The following CTNND2 variants were observed in gnomAD, a reference collection of about 807,000 sequenced individuals.
CTNND2 encodes catenin delta 2.
Under a neutral mutation model 144.4 loss-of-function variants are expected in CTNND2, and 22 were observed. The observed-to-expected ratio is 0.15, with a 90% confidence interval of 0.11 to 0.22. The LOEUF (loss-of-function observed/expected upper bound fraction) is 0.22. Ranked by LOEUF, CTNND2 falls within the 10% of genes least tolerant of loss-of-function variation. The pLI, the probability that CTNND2 is intolerant of heterozygous loss-of-function variation, is 1.00. For synonymous variants in CTNND2, 751 were observed against 695.6 expected (o/e 1.08, Z -1.25); for missense variants, 1,353 against 1,618.8 (o/e 0.84, Z 2.82).
chr5:11,473,778 GATAGA>G (rs1767461627), intron 3 of CTNND2, among the ~76,000 whole-genome samples: 1 of 152,212 alleles, frequency 6.6e-6, no homozygotes, highest in Non-Finnish European at 1.5e-5. Flanking sequence ...GAGATACTAG[GATAGA>G]ATCTGAGACC....
chr5:11,016,223 C>T (rs1293067299), intron 18 of CTNND2, among the ~76,000 whole-genome samples: 3 of 152,142 alleles, frequency 2.0e-5, no homozygotes, highest in African/African-American at 7.2e-5. Context: ...TGAGGGATGA[C>T]TCTCATTGAT....
At chr5:11,418,690 G>C (rs1359523836) in intron 3 of CTNND2, among the ~76,000 whole-genome samples, 4 of 152,158 alleles carry the variant, frequency 2.6e-5, no homozygotes, top group Non-Finnish European at 5.9e-5. Context: ...AAGGAGCAGG[G>C]TCGCACCTGG....
chr5:11,642,759 A>G (rs1200072552), intron 2 of CTNND2, among the ~76,000 whole-genome samples: 1 of 152,232 alleles, frequency 6.6e-6, no homozygotes, highest in African/African-American at 2.4e-5. Flanking sequence ...TGCTTTTCTT[A>G]TCATTATGTG....
chr5:11,830,326 T>A (rs954472383), intron 1 of CTNND2, among the ~76,000 whole-genome samples: 5 of 152,186 alleles, frequency 3.3e-5, no homozygotes, highest in African/African-American at 1.2e-4. Flanking sequence ...TATGGTTTGA[T>A]TGTGTCACCA....
intron 8 of CTNND2, among the ~76,000 whole-genome samples, chr5:11,347,385 T>A (rs553623167): frequency 2.3e-4 from 35 of 152,232 alleles, no homozygotes; most frequent in Non-Finnish European, 4.0e-4. Context: ...GTGTCTAAAT[T>A]GTTTTGAGAA....
chr5:10,982,892 A>C lies in CTNND2; in HGVS notation c.3344-1046T>G, dbSNP rs532063044. Among the ~76,000 whole-genome samples, 5 of 152,346 alleles carry C rather than the reference A, an allele frequency of 3.3e-5. No individual in the cohort carries two copies. The South Asian group carries it at 1.0e-3, about 32-fold the overall frequency. ...TGATTTATGTTAAGTGAAACAAGCC[A>C]GGCACAGAAAGACAAATATGGTATG... On this transcript the variant is annotated intron_variant, in intron 20 of 21. Transcript: ENST00000304623.
intron 1 of CTNND2, among the ~76,000 whole-genome samples, chr5:11,798,252 A>C (rs2126881756): frequency 6.8e-6 from 1 of 147,954 alleles, no homozygotes; most frequent in East Asian, 2.0e-4. Flanking sequence ...ACAGAGTGAG[A>C]CTGTTTCAAA....
intron 16 of CTNND2, among the ~76,000 whole-genome samples, chr5:11,040,996 T>C (rs2149567284): frequency 6.6e-6 from 1 of 152,346 alleles, no homozygotes; most frequent in East Asian, 1.9e-4. Flanking sequence ...ATTGTCTGTC[T>C]GAGACAGATG....
chr5:11,863,797 A>G (rs1404593630), intron 1 of CTNND2, among the ~76,000 whole-genome samples: 1 of 152,230 alleles, frequency 6.6e-6, no homozygotes, highest in African/African-American at 2.4e-5. Context: ...AGGCAATTTA[A>G]CAGTCTGATG....
chr5:11,180,727 C>T (rs1297484700), intron 11 of CTNND2, among the ~76,000 whole-genome samples: 3 of 152,240 alleles, frequency 2.0e-5, no homozygotes, highest in Non-Finnish European at 2.9e-5. Context: ...GAGCAACACA[C>T]TCTAGATCCT....
At chr5:11,445,009 C>T (rs749122206) in intron 3 of CTNND2, among the ~76,000 whole-genome samples, 2 of 152,138 alleles carry the variant, frequency 1.3e-5, no homozygotes, top group Non-Finnish European at 2.9e-5. Flanking sequence ...CCTCAGTTTC[C>T]TACGGCTGCA....
rs558169685 is a variant in CTNND2, at chr5:11,005,789, T to C, written c.3084+12185A>G. Among the ~76,000 whole-genome samples the C allele has an allele frequency of 2.5e-3, 381 of 152,310 alleles. 1 individual carries two copies. Among genetic ancestry groups the C allele is most frequent in the African/African-American group, 8.6e-3 (359 of 41,562 alleles). On this transcript the variant is annotated intron_variant, in intron 18 of 21. Transcript: ENST00000304623. ...GATGTCATGTGGGTAGTTGTATGGA[T>C]GGGTTTAGTGTTAAACAGTGAAGAC... is the stretch of plus-strand genomic sequence containing the variant.
Position 11,242,028 on chromosome 5 carries a change from C to T in CTNND2, c.1629-5205G>A, listed in dbSNP as rs372000229. On this transcript the variant is annotated intron_variant, in intron 9 of 21. Coordinates refer to ENST00000304623, the MANE Select transcript of CTNND2 (RefSeq NM_001332.4). ...TCCAGAGAGGACGGCTGTCTGGGAA[C>T]AGGGGGAGTTGGAGCAGGGGCTGGA... Among the ~76,000 whole-genome samples the T allele has an allele frequency of 5.2e-4, 78 of 150,708 alleles. 2 individuals carry two copies. The South Asian group carries it at 0.016, about 30-fold the overall frequency.
intron 9 of CTNND2, among the ~76,000 whole-genome samples, chr5:11,305,370 C>T (rs1014212029): frequency 3.9e-5 from 6 of 152,190 alleles, no homozygotes; most frequent in African/African-American, 1.4e-4. Flanking sequence ...CTCCCCACCT[C>T]CCCACTCCAG....
intron 2 of CTNND2, among the ~76,000 whole-genome samples, chr5:11,693,598 T>C (rs1483506129): frequency 6.6e-6 from 1 of 152,234 alleles, no homozygotes; most frequent in African/African-American, 2.4e-5. Context: ...TTCAATGCAA[T>C]GGAATCTCAA....
At chr5:11,567,080 T>TAAC (rs1777172713) in intron 2 of CTNND2, among the ~76,000 whole-genome samples, 1 of 152,160 alleles carries the variant, frequency 6.6e-6, no homozygotes, top group African/African-American at 2.4e-5. Context: ...GCACTGTTTC[T>TAAC]AACACCACCA....
At chr5:11,657,335 T>C (rs1782965494) in intron 2 of CTNND2, among the ~76,000 whole-genome samples, 1 of 152,148 alleles carries the variant, frequency 6.6e-6, no homozygotes. Flanking sequence ...AACCAGCTTT[T>C]CCAAAAGGTA....
chr5:11,753,909 G>C (rs1788762287), intron 1 of CTNND2, among the ~76,000 whole-genome samples: 1 of 151,272 alleles, frequency 6.6e-6, no homozygotes, highest in Non-Finnish European at 1.5e-5. Context: ...GAGACTGTAT[G>C]TTTCCAGGAA....
chr5:11,631,873 A>T (rs1244900535), intron 2 of CTNND2, among the ~76,000 whole-genome samples: 1 of 152,140 alleles, frequency 6.6e-6, no homozygotes, highest in Non-Finnish European at 1.5e-5. Flanking sequence ...AAGAGTGCCA[A>T]TCCAAAAGAC....
Sources: gnomAD v4.1 joint callset for allele counts (sites outside exome capture counted in the v4.1 genomes callset) on GRCh38, gnomAD v4.1.1 for gene constraint, MANE v1.5 for transcripts, NCBI Gene and HGNC (gene_info 2026-07-23, HGNC 2026-07-21) for gene names.